Variants in RRAS2 observed in about 807,000 individuals in gnomAD.
RRAS2 encodes ras-related protein R-Ras2.
A neutral mutation model predicts 27.6 loss-of-function variants in RRAS2; 7 were observed. The observed-to-expected ratio is 0.25, with a 90% CI of 0.14 to 0.48. RRAS2 has a LOEUF of 0.48. RRAS2 is among the 20% of genes least tolerant of loss of function. The probability of loss-of-function intolerance (pLI) is 0.99; values close to 1 mark genes in which losing one functional copy is unlikely to be tolerated. For synonymous variants in RRAS2, 86 were observed against 90.9 expected (o/e 0.95, Z 0.31); for missense variants, 178 against 256.2 (o/e 0.69, Z 2.08).
intron 1 of RRAS2, among the ~76,000 whole-genome samples, chr11:14,300,697 C>T (rs1847675853): frequency 6.6e-6 from 1 of 152,112 alleles, no homozygotes; most frequent in African/African-American, 2.4e-5. Flanking sequence ...CACTAGATTG[C>T]ATAACAGGAG....
upstream of RRAS2, among the ~76,000 whole-genome samples, chr11:14,361,159 C>T (rs569937837): frequency 1.4e-4 from 22 of 152,292 alleles, no homozygotes; most frequent in East Asian, 4.1e-3. Flanking sequence ...GCGTGGTACA[C>T]GCCTATAGTC....
intron 1 of RRAS2, among the ~76,000 whole-genome samples, chr11:14,310,909 G>A (rs912108792): frequency 1.3e-5 from 2 of 152,182 alleles, no homozygotes; most frequent in African/African-American, 2.4e-5. Context: ...GGACAGACAG[G>A]TTCTGATACT....
intron 1 of RRAS2, among the ~76,000 whole-genome samples, chr11:14,313,358 CATATA>C (rs1251710767): frequency 1.3e-5 from 2 of 152,166 alleles, no homozygotes; most frequent in Non-Finnish European, 2.9e-5. Context: ...CATTTATATG[CATATA>C]ATATAGGTCA....
intron 1 of RRAS2, among the ~76,000 whole-genome samples, chr11:14,309,832 A>G (rs1554948617): frequency 6.6e-6 from 1 of 152,218 alleles, no homozygotes; most frequent in South Asian, 2.1e-4. Context: ...TGAGGACTTC[A>G]GATTTTATTC....
intron 1 of RRAS2, among the ~76,000 whole-genome samples, chr11:14,353,526 C>A (rs1391728372): frequency 1.3e-5 from 2 of 151,682 alleles, no homozygotes; most frequent in Non-Finnish European, 2.9e-5. Context: ...GATGTGGAGG[C>A]TGCAGATAGC....
At chr11:14,289,372 G>A (rs782020319) in intron 4 of RRAS2, among the ~76,000 whole-genome samples, 1 of 152,206 alleles carries the variant, frequency 6.6e-6, no homozygotes, top group Non-Finnish European at 1.5e-5. Context: ...AGACAGGGCT[G>A]AGTTGAGGAC....
At position 14,300,031 on chromosome 11, in the gene RRAS2, G is replaced by GA. The variant is rs369617879; in HGVS notation, c.109-4177dup. ...GAAAGGATGTTCTGTAGCAGAAAGAGAAAAAAAGAGGAAAAAAAAGCAAGC... is the reference window on the plus strand; with the variant it reads ...GAAAGGATGTTCTGTAGCAGAAAGAGAAAAAAAAGAGGAAAAAAAAGCAAGC... On this transcript the variant is annotated intron_variant, in intron 1 of 5. Coordinates refer to ENST00000256196, the MANE Select transcript of RRAS2 (RefSeq NM_012250.6). Among the ~76,000 whole-genome samples the GA allele has an allele frequency of 1.3e-3, 197 of 151,948 alleles. 1 individual carries two copies. Among genetic ancestry groups the GA allele is most frequent in the African/African-American group, 4.3e-3 (179 of 41,436 alleles).
chr11:14,319,981 G>T (rs1281783586), intron 1 of RRAS2, among the ~76,000 whole-genome samples: 1 of 152,174 alleles, frequency 6.6e-6, no homozygotes, highest in African/African-American at 2.4e-5. Context: ...ACTAATCATT[G>T]TAAAAATGTT....
upstream of RRAS2, among the ~76,000 whole-genome samples, chr11:14,363,440 G>A (rs1554956363): frequency 6.6e-6 from 1 of 152,170 alleles, no homozygotes; most frequent in East Asian, 1.9e-4. Context: ...AACCTCTGAG[G>A]ACACGGACTT....
chr11:14,299,936 C>A (rs1302690987), intron 1 of RRAS2, among the ~76,000 whole-genome samples: 3 of 152,142 alleles, frequency 2.0e-5, no homozygotes, highest in East Asian at 3.8e-4. Context: ...ATCAACACAG[C>A]CTCAGCAATT....
chr11:14,308,158 G>A (rs966872989), intron 1 of RRAS2: 3 of 307,382 alleles, frequency 9.8e-6, no homozygotes, highest in East Asian at 1.0e-4. Flanking sequence ...TTTGCTTTAT[G>A]TGCACAAAAT....
At chr11:14,341,003 C>G (rs547865742) in intron 1 of RRAS2, among the ~76,000 whole-genome samples, 2 of 152,160 alleles carry the variant, frequency 1.3e-5, no homozygotes, top group South Asian at 4.1e-4. Flanking sequence ...TCAGGCAAAG[C>G]CTTTAAGATG....
At chr11:14,302,290 T>A (rs1847736576) in intron 1 of RRAS2, among the ~76,000 whole-genome samples, 1 of 152,150 alleles carries the variant, frequency 6.6e-6, no homozygotes, top group African/African-American at 2.4e-5. Flanking sequence ...ATTACTTCTA[T>A]CCATAAAACA....
chr11:14,282,646 GC>G (rs1356923387), intron 4 of RRAS2, among the ~76,000 whole-genome samples: 1 of 112,962 alleles, frequency 8.9e-6, no homozygotes, highest in Non-Finnish European at 1.9e-5. Flanking sequence ...AATTAGAAAA[GC>G]CAAATTGGGG....
intron 3 of RRAS2, 49 bp downstream of exon 3, chr11:14,294,711 T>C: frequency 6.4e-7 from 1 of 1,567,582 alleles, no homozygotes; most frequent in Non-Finnish European, 8.7e-7. Context: ...CAATAAAGTC[T>C]AGTGATCTTG....
intron 1 of RRAS2, among the ~76,000 whole-genome samples, chr11:14,297,729 G>A (rs1554946843): frequency 6.6e-6 from 1 of 151,980 alleles, no homozygotes; most frequent in Non-Finnish European, 1.5e-5. Context: ...GCCACACTGC[G>A]CTCCAGCCTG....
intron 1 of RRAS2, among the ~76,000 whole-genome samples, chr11:14,320,825 A>C (rs1051195864): frequency 2.0e-5 from 3 of 152,220 alleles, no homozygotes; most frequent in African/African-American, 4.8e-5. Flanking sequence ...GTATGCAGTA[A>C]AATGTGGGAA....
At chr11:14,341,738 CA>C in intron 1 of RRAS2, 2 of 435,868 alleles carry the variant, frequency 4.6e-6, no homozygotes, top group South Asian at 3.3e-5. Context: ...AGTCAGAGTA[CA>C]TTCTCTGTTC....
At position 14,284,642 on chromosome 11, in the gene RRAS2, C is replaced by CT. The variant is rs574827388; in HGVS notation, c.409-2923dup. Among the ~76,000 whole-genome samples, 19 of 152,160 alleles carry CT rather than the reference C, an allele frequency of 1.2e-4. No individual in the cohort carries two copies. The South Asian group carries it at 3.9e-3, about 32-fold the overall frequency. On this transcript the variant is annotated intron_variant, in intron 4 of 5. Coordinates refer to ENST00000256196, the MANE Select transcript of RRAS2 (RefSeq NM_012250.6). ...AATTTGTCTATTTTTCCTTGTAGTT[C>CT]TTAACATCTTGCTTCAAGATTTTTG...
Sources: gnomAD v4.1 joint callset for allele counts (sites outside exome capture counted in the v4.1 genomes callset) on GRCh38, gnomAD v4.1.1 for gene constraint, MANE v1.5 for transcripts, NCBI Gene and HGNC (gene_info 2026-07-23, HGNC 2026-07-21) for gene names.